The following B4GALT1 variants were observed in gnomAD, a reference collection of about 807,000 sequenced individuals.
B4GALT1 encodes beta-1,4-galactosyltransferase 1.
A neutral mutation model predicts 34.9 loss-of-function variants in B4GALT1; 16 were observed. The observed-to-expected ratio is 0.46, with a 90% CI of 0.31 to 0.70. The LOEUF is 0.70. B4GALT1 is among the 30% of genes least tolerant of loss of function. The pLI is 0.05. For missense variants in B4GALT1, 445 were observed against 530.5 expected (o/e 0.84, Z 1.58); for synonymous variants, 221 against 218.1 (o/e 1.01, Z -0.12).
chr9:33,165,017 G>A (rs1470505774), intron 1 of B4GALT1, among the ~76,000 whole-genome samples: 2 of 145,962 alleles, frequency 1.4e-5, no homozygotes. Context: ...TCGTCGCCCA[G>A]GCTGGAGTGT....
chr9:33,129,416 G>C (rs1840160769), intron 2 of B4GALT1, among the ~76,000 whole-genome samples: 1 of 152,214 alleles, frequency 6.6e-6, no homozygotes, highest in Non-Finnish European at 1.5e-5. Flanking sequence ...GATCCTGCAA[G>C]TTCCCAAGGG....
chr9:33,146,019 A>T (rs1018154631), intron 1 of B4GALT1, among the ~76,000 whole-genome samples: 2 of 152,246 alleles, frequency 1.3e-5, no homozygotes, highest in Non-Finnish European at 2.9e-5. Flanking sequence ...AACAGGCAGC[A>T]TGACAGTTCC....
At chr9:33,119,169 G>A (rs1011230164) in intron 3 of B4GALT1, among the ~76,000 whole-genome samples, 5 of 152,088 alleles carry the variant, frequency 3.3e-5, no homozygotes, top group Admixed American at 1.3e-4. Flanking sequence ...GCCACTGACA[G>A]GTAATTTAAA....
chr9:33,140,883 C>T (rs1279169037), intron 1 of B4GALT1, among the ~76,000 whole-genome samples: 1 of 152,254 alleles, frequency 6.6e-6, no homozygotes, highest in Admixed American at 6.5e-5. Context: ...CCCCTTGAGG[C>T]CCCTTGGGCT....
chr9:33,177,076 GT>G, the B4GALT1 span, among the ~76,000 whole-genome samples: 1 of 152,008 alleles, frequency 6.6e-6, no homozygotes, highest in Non-Finnish European at 1.5e-5. Context: ...GCCCTCTATA[GT>G]TTCTCAAAAT....
the B4GALT1 span, among the ~76,000 whole-genome samples, chr9:33,178,173 G>A: frequency 2.6e-5 from 4 of 151,748 alleles, no homozygotes; most frequent in South Asian, 6.2e-4. Context: ...TGTATTTTTA[G>A]TAGATATGGG....
At chr9:33,169,849 A>G (rs1840823979), upstream of B4GALT1, among the ~76,000 whole-genome samples, 5 of 150,584 alleles carry the variant, frequency 3.3e-5, no homozygotes, top group South Asian at 8.4e-4. Flanking sequence ...TTCAGAGTGG[A>G]TATCAACTAC....
At chr9:33,122,184 C>T (rs1840030275) in intron 2 of B4GALT1, among the ~76,000 whole-genome samples, 2 of 152,142 alleles carry the variant, frequency 1.3e-5, no homozygotes. Flanking sequence ...GGTACACAAT[C>T]TCAAAAGTGG....
At chr9:33,136,904 C>T in intron 1 of B4GALT1, among the ~76,000 whole-genome samples, 1 of 152,186 alleles carries the variant, frequency 6.6e-6, no homozygotes, top group East Asian at 1.9e-4. Context: ...ACCCCCTACT[C>T]CCGGAATCAC....
intron 2 of B4GALT1, among the ~76,000 whole-genome samples, chr9:33,131,573 G>C (rs890172340): frequency 3.3e-5 from 5 of 152,146 alleles, no homozygotes; most frequent in Non-Finnish European, 7.3e-5. Flanking sequence ...AATCTTAAAT[G>C]GTATGTGTGT....
chr9:33,155,012 A>G (rs998625346), intron 1 of B4GALT1, among the ~76,000 whole-genome samples: 7 of 152,238 alleles, frequency 4.6e-5, no homozygotes, highest in East Asian at 1.9e-4. Flanking sequence ...GCCCAGTGAC[A>G]GCCACCCCAG....
chr9:33,122,659 C>T (rs1483023591), intron 2 of B4GALT1, among the ~76,000 whole-genome samples: 2 of 152,150 alleles, frequency 1.3e-5, no homozygotes, highest in African/African-American at 4.8e-5. Context: ...GAAAGAGAGG[C>T]ACCAGAAAGA....
At chr9:33,154,833 T>C (rs1240903697) in intron 1 of B4GALT1, among the ~76,000 whole-genome samples, 1 of 152,194 alleles carries the variant, frequency 6.6e-6, no homozygotes, top group East Asian at 1.9e-4. Flanking sequence ...TCTTAAAATA[T>C]TGAGTTTTTT....
rs769149064 is a variant in B4GALT1 at position 33,113,628 on chromosome 9, A to G, written c.1065-42T>C. 3.1e-6 allele frequency: 5 copies of G among 1,613,808 alleles called. No homozygotes were observed. The South Asian group carries it at 5.5e-5, about 18-fold the overall frequency. On this transcript the variant is annotated intron_variant, in intron 5 of 5. Transcript: ENST00000379731. ...ACAAGGAGATTGTCTTAAAACAAAA[A>G]TCTTAAGAAGAAATCATCACACGTA...
At chr9:33,164,267 A>T (rs1396925844) in intron 1 of B4GALT1, among the ~76,000 whole-genome samples, 1 of 152,144 alleles carries the variant, frequency 6.6e-6, no homozygotes, top group Admixed American at 6.5e-5. Context: ...ACCACCCGCA[A>T]GGGCTTTGGC....
downstream of B4GALT1, among the ~76,000 whole-genome samples, chr9:33,109,482 C>T (rs569296600): frequency 5.9e-5 from 9 of 152,298 alleles, no homozygotes; most frequent in South Asian, 1.9e-3. Context: ...CATAGAAACC[C>T]CAATTTATAG....
chr9:33,120,911 T>A (rs1292960758), intron 2 of B4GALT1, among the ~76,000 whole-genome samples: 1 of 152,150 alleles, frequency 6.6e-6, no homozygotes, highest in African/African-American at 2.4e-5. Flanking sequence ...ACTGGTTCAA[T>A]AAATCATAGT....
At chr9:33,162,542 C>G (rs1397358498) in intron 1 of B4GALT1, among the ~76,000 whole-genome samples, 1 of 152,170 alleles carries the variant, frequency 6.6e-6, no homozygotes, top group South Asian at 2.1e-4. Flanking sequence ...TCAGATGGAC[C>G]AAAAGACACA....
rs920932431 is a variant in B4GALT1, at chr9:33,120,530, G to T, written c.725C>A (p.Thr242Asn). The change falls in exon 3 of 6, where the codon ACC becomes AAC. Residue 242 changes from threonine to asparagine, a missense_variant. This residue lies in a region of B4GALT1 where 349 missense variants were observed against 395.5 expected (regional missense o/e 0.88). Transcript: ENST00000379731. ...GTCCACGTCACTAAACACAAAGCAG[G>T]TGTAGTCATAGTCCTTCAAGGCTTC... ...FQEALKDYDYTCFVFSDVDLI... is the reference protein window; with the variant it reads ...FQEALKDYDYNCFVFSDVDLI... The T allele has an allele frequency of 6.2e-7, 1 of 1,614,080 alleles. No individual in the cohort carries two copies. The highest frequency in any genetic ancestry group is 8.5e-7 in the Non-Finnish European group (1 of 1,180,046).
Sources: allele counts gnomAD v4.1 joint callset (sites outside exome capture counted in the v4.1 genomes callset), GRCh38; gene constraint gnomAD v4.1.1; regional missense constraint gnomAD v4.1.1; transcripts MANE v1.5; gene names NCBI Gene and HGNC (gene_info 2026-07-23, HGNC 2026-07-21).